The following CLSTN2 variants were observed in gnomAD, a reference collection of about 807,000 sequenced individuals.
The protein encoded by CLSTN2 is calsyntenin 2.
A neutral mutation model predicts 101.2 loss-of-function variants in CLSTN2; 48 were observed. The observed-to-expected ratio is 0.47, with a 90% CI of 0.38 to 0.60. The LOEUF (loss-of-function observed/expected upper bound fraction) is 0.60. Among genes scored for constraint, CLSTN2 ranks in the 20% least tolerant of loss-of-function variants. The pLI, the probability that CLSTN2 is intolerant of heterozygous loss-of-function variation, is 0.00. For synonymous variants in CLSTN2, 481 were observed against 463.6 expected, an observed-to-expected ratio of 1.04 and a Z score of -0.48; for missense variants, 1,160 against 1,238.2, an observed-to-expected ratio of 0.94 and a Z score of 0.95.
At chr3:140,472,734 C>T (rs990590660) in intron 8 of CLSTN2, among the ~76,000 whole-genome samples, 1 of 152,064 alleles carries the variant, frequency 6.6e-6, no homozygotes, top group African/African-American at 2.4e-5. Flanking sequence ...AGGCAGAATT[C>T]CGAATGACTT....
At chr3:140,180,966 G>A (rs890702982) in intron 2 of CLSTN2, among the ~76,000 whole-genome samples, 2 of 152,172 alleles carry the variant, frequency 1.3e-5, no homozygotes, top group Admixed American at 6.5e-5. Flanking sequence ...GGCCCTATAG[G>A]TGCCTGATGG....
chr3:140,315,742 C>G (rs2087223178), intron 2 of CLSTN2, among the ~76,000 whole-genome samples: 1 of 152,182 alleles, frequency 6.6e-6, no homozygotes, highest in African/African-American at 2.4e-5. Context: ...ACCCAAATGC[C>G]TTTTCTGTCT....
At chr3:140,436,484 T>C (rs1007650142) in intron 5 of CLSTN2, among the ~76,000 whole-genome samples, 1 of 152,268 alleles carries the variant, frequency 6.6e-6, no homozygotes, top group Non-Finnish European at 1.5e-5. Context: ...AGAGAGATTC[T>C]GTGAGGCAGT....
At chr3:140,441,347 G>A (rs2088762170) in intron 5 of CLSTN2, among the ~76,000 whole-genome samples, 1 of 152,174 alleles carries the variant, frequency 6.6e-6, no homozygotes. Flanking sequence ...TCTCTCCTGA[G>A]AGCAGGATTT....
intron 2 of CLSTN2, among the ~76,000 whole-genome samples, chr3:140,220,913 G>A (rs895443527): frequency 6.6e-6 from 1 of 152,208 alleles, no homozygotes. Context: ...CAGTTAGGTG[G>A]TGAGTTAAAC....
chr3:140,169,180 C>T (rs1444308990), intron 1 of CLSTN2, among the ~76,000 whole-genome samples: 1 of 152,042 alleles, frequency 6.6e-6, no homozygotes, highest in Non-Finnish European at 1.5e-5. Context: ...TCAGCAGTGT[C>T]AGGGTTTTCA....
At chr3:140,355,083 T>C (rs1037274225) in intron 2 of CLSTN2, among the ~76,000 whole-genome samples, 35 of 152,190 alleles carry the variant, frequency 2.3e-4, no homozygotes, top group African/African-American at 8.2e-4. Context: ...CAGCTCTCAC[T>C]GTGTTATCAG....
intron 1 of CLSTN2, among the ~76,000 whole-genome samples, chr3:140,117,563 G>A (rs565509341): frequency 3.3e-5 from 5 of 152,260 alleles, no homozygotes; most frequent in South Asian, 4.2e-4. Context: ...AAGGTGGGTC[G>A]CCTCTTGGGG....
intron 10 of CLSTN2, among the ~76,000 whole-genome samples, chr3:140,553,141 G>A (rs79184655): frequency 0.036 from 5,464 of 152,296 alleles, 102 homozygotes; most frequent in East Asian, 0.053. Context: ...GGTGCTCTTG[G>A]CCTGATGTCA....
intron 2 of CLSTN2, among the ~76,000 whole-genome samples, chr3:140,275,026 A>G (rs866325227): frequency 5.9e-5 from 9 of 152,178 alleles, no homozygotes; most frequent in African/African-American, 2.2e-4. Flanking sequence ...AAGAGATGGA[A>G]GCATCTGGAT....
intron 5 of CLSTN2, among the ~76,000 whole-genome samples, chr3:140,422,454 C>G (rs894592458): frequency 6.6e-6 from 1 of 152,158 alleles, no homozygotes; most frequent in African/African-American, 2.4e-5. Context: ...CCTCAGAAGG[C>G]AGTTCTCAAA....
chr3:140,352,811 C>T (rs1182576195), intron 2 of CLSTN2, among the ~76,000 whole-genome samples: 6 of 152,140 alleles, frequency 3.9e-5, no homozygotes, highest in Non-Finnish European at 5.9e-5. Flanking sequence ...TTCTACCCAA[C>T]CTCCTGCCAT....
chr3:140,428,340 C>A (rs1331800231), intron 5 of CLSTN2, among the ~76,000 whole-genome samples: 2 of 151,260 alleles, frequency 1.3e-5, no homozygotes, highest in Non-Finnish European at 2.9e-5. Context: ...TTTATTGTTG[C>A]AAGTCAGATT....
chr3:140,232,731 G>A (rs2086381217), intron 2 of CLSTN2, among the ~76,000 whole-genome samples: 1 of 152,106 alleles, frequency 6.6e-6, no homozygotes, highest in Non-Finnish European at 1.5e-5. Context: ...TGCAATGAAT[G>A]GTACCAATAT....
intron 2 of CLSTN2, among the ~76,000 whole-genome samples, chr3:140,243,804 A>AT (rs749835676): frequency 6.6e-6 from 1 of 152,190 alleles, no homozygotes; most frequent in Non-Finnish European, 1.5e-5. Context: ...TCTCCAAGTG[A>AT]TTTATAAACA....
intron 10 of CLSTN2, among the ~76,000 whole-genome samples, chr3:140,554,894 G>A (rs1300243992): frequency 1.3e-5 from 2 of 152,064 alleles, no homozygotes; most frequent in African/African-American, 2.4e-5. Flanking sequence ...TATGTATGAG[G>A]TACTTTTGAT....
chr3:140,266,189 T>C lies in CLSTN2; in HGVS notation c.232+90116T>C, dbSNP rs553178870. Among the ~76,000 whole-genome samples the C allele has an allele frequency of 2.0e-5, 3 of 152,284 alleles. No homozygotes were observed. The East Asian group carries it at 5.8e-4, about 29-fold the overall frequency. On this transcript the variant is annotated intron_variant, in intron 2 of 16. Transcript: ENST00000458420. The stretch of plus-strand genomic sequence containing the variant: ...CCCCATTATCCTGTGATTACCCTGA[T>C]GGCTGGAGGGAATGGAGAGAAGATG...
chr3:139,992,316 G>T (rs544194595), intron 1 of CLSTN2, among the ~76,000 whole-genome samples: 19 of 152,162 alleles, frequency 1.2e-4, no homozygotes, highest in Non-Finnish European at 2.5e-4. Flanking sequence ...ATATAGTCAT[G>T]CCAGAATCTT....
intron 2 of CLSTN2, among the ~76,000 whole-genome samples, chr3:140,267,138 C>A (rs1198348883): frequency 2.0e-5 from 3 of 152,134 alleles, no homozygotes; most frequent in Non-Finnish European, 4.4e-5. Context: ...GGTTCCCAGG[C>A]GGAGTATGTA....
Sources: gnomAD v4.1 joint callset for allele counts (sites outside exome capture counted in the v4.1 genomes callset) on GRCh38, gnomAD v4.1.1 for gene constraint, MANE v1.5 for transcripts, NCBI Gene and HGNC (gene_info 2026-07-23, HGNC 2026-07-21) for gene names.